CNOT1: variants seen among roughly 807,000 people sequenced by gnomAD.
CNOT1 encodes CCR4-NOT transcription complex subunit 1.
Under a neutral mutation model 273.8 loss-of-function variants are expected in CNOT1, and 15 were observed. The observed-to-expected ratio is 0.05, with a 90% CI of 0.04 to 0.08. The LOEUF (loss-of-function observed/expected upper bound fraction) is 0.08, where lower values mean the gene tolerates loss of function less well. Ranked by LOEUF, CNOT1 falls within the 10% of genes least tolerant of loss-of-function variation. The pLI, the probability that CNOT1 is intolerant of heterozygous loss-of-function variation, is 1.00. For missense variants in CNOT1, 1,644 were observed against 2,912.2 expected (o/e 0.56, Z 10.02); for synonymous variants, 1,022 against 1,005.5 (o/e 1.02, Z -0.31).
chr16:58,626,123 T>C (rs1327040462), intron 1 of CNOT1, among the ~76,000 whole-genome samples: 1 of 152,028 alleles, frequency 6.6e-6, no homozygotes, highest in African/African-American at 2.4e-5. Flanking sequence ...TATACCAAGT[T>C]CAGGCCGGGT....
intron 19 of CNOT1, among the ~76,000 whole-genome samples, chr16:58,556,111 C>T (rs1313021286): frequency 6.6e-6 from 1 of 152,204 alleles, no homozygotes; most frequent in Non-Finnish European, 1.5e-5. Flanking sequence ...TTCCATAATT[C>T]TACATTAGTA....
intron 18 of CNOT1, 46 bp from the exon 19 acceptor site, chr16:58,557,039 C>T (rs758118752): frequency 1.9e-6 from 3 of 1,596,916 alleles, no homozygotes; most frequent in East Asian, 2.2e-5. Flanking sequence ...TATTCATATT[C>T]TTGATTTTAT....
Position 58,549,845 on chromosome 16 carries a change from C to A in CNOT1, c.3396G>T (p.Gln1132His). 6.2e-7 allele frequency: 1 copy of A among 1,614,034 alleles called. No homozygotes were observed. Among genetic ancestry groups the A allele is most frequent in the Non-Finnish European group, 8.5e-7 (1 of 1,179,978 alleles). ...TACTGACTCTCTTCATAACCAGATACTGTGAAACCCAAGGCATAAATTCTT... is the reference window on the plus strand; with the variant it reads ...TACTGACTCTCTTCATAACCAGATAATGTGAAACCCAAGGCATAAATTCTT... ...VKEEFMPWVS[Q>H]YLVMKRVSIE... The change falls in exon 25 of 49, where the codon CAG becomes CAT. Residue 1132 changes from glutamine to histidine, a missense_variant. Gln to His is a conservative substitution (Grantham distance 24, BLOSUM62 0). Transcript: ENST00000317147.
chr16:58,621,890 G>A (rs1251448150), intron 1 of CNOT1, among the ~76,000 whole-genome samples: 4 of 125,914 alleles, frequency 3.2e-5, no homozygotes, highest in South Asian at 2.8e-4. Flanking sequence ...CAGCCTGGGC[G>A]ACGGAAAGAG....
Position 58,587,273 on chromosome 16 carries a change from A to T in CNOT1, c.379-18T>A. 6.2e-7 allele frequency: 1 copy of T among 1,613,852 alleles called. No individual in the cohort carries two copies. Among genetic ancestry groups the T allele is most frequent in the Non-Finnish European group, 8.5e-7 (1 of 1,179,918 alleles). On this transcript the variant is annotated intron_variant, in intron 5 of 48. Transcript: ENST00000317147. Reference sequence around the variant, plus strand: ...AAAATTACCTGAAACAAGAAGGATTAGATTAACCAAAGAGTCAAATGGCTG... The same window carrying T: ...AAAATTACCTGAAACAAGAAGGATTTGATTAACCAAAGAGTCAAATGGCTG...
At chr16:58,600,516 A>G (rs1200861523) in intron 1 of CNOT1, among the ~76,000 whole-genome samples, 3 of 152,178 alleles carry the variant, frequency 2.0e-5, no homozygotes, top group East Asian at 3.9e-4. Flanking sequence ...CTCTCTTTCC[A>G]TGGTATCTGC....
chr16:58,544,531 AG>A (rs2040195988), intron 30 of CNOT1, among the ~76,000 whole-genome samples: 4 of 152,180 alleles, frequency 2.6e-5, no homozygotes. Flanking sequence ...TTCTGGATCT[AG>A]GTGTCCCACT....
At chr16:58,530,513 T>C (rs2039744606) in intron 42 of CNOT1, 166 bp from the exon 43 acceptor site, 3 of 455,368 alleles carry the variant, frequency 6.6e-6, no homozygotes, top group Non-Finnish European at 1.2e-5. Context: ...CCAGGCACGG[T>C]GGCTGACGCC....
chr16:58,551,202 G>A lies in CNOT1; in HGVS notation c.3272C>T (p.Pro1091Leu). ...ATDQTERIVE[P>L]PENIQEKIAF... ...AATTTTCTCCTGGATATTTTCTGGG[G>A]GCTCCACAATTCTCTCAGTTTGATC... The change falls in exon 24 of 49, where the codon CCC becomes CTC. Residue 1091 changes from proline (P) to leucine (L), a missense_variant. By Grantham distance (98) the Pro-to-Leu change is moderately conservative. Transcript: ENST00000317147. 1 of 1,609,758 alleles carries A rather than the reference G, an allele frequency of 6.2e-7. No individual in the cohort carries two copies. The highest frequency in any genetic ancestry group is 2.2e-5 in the East Asian group (1 of 44,684).
At chr16:58,593,848 T>C (rs1423137415) in intron 2 of CNOT1, among the ~76,000 whole-genome samples, 2 of 152,150 alleles carry the variant, frequency 1.3e-5, no homozygotes, top group African/African-American at 2.4e-5. Flanking sequence ...ACACAAAATA[T>C]GAAATATCTA....
chr16:58,587,797 G>T lies in CNOT1; in HGVS notation c.292C>A (p.Pro98Thr). 1 of 1,613,830 alleles carries T rather than the reference G, an allele frequency of 6.2e-7. No individual in the cohort carries two copies. The highest frequency in any genetic ancestry group is 8.5e-7 in the Non-Finnish European group (1 of 1,179,988). Reference sequence around the variant, plus strand: ...ATACCAACCTTCTGATAGTGCAATGGATTATCAATGGCATAGGACAGCGTC... The same window carrying T: ...ATACCAACCTTCTGATAGTGCAATGTATTATCAATGGCATAGGACAGCGTC... ...ISTLSYAIDN[P>T]LHYQKSLKPA... The change falls in exon 4 of 49, where the codon CCA becomes ACA. Residue 98 changes from proline to threonine, a missense_variant. Around this residue, in one of 13 missense-constraint regions of CNOT1, gnomAD observed 706 missense variants for 1,021.2 expected, o/e 0.69. Coordinates refer to ENST00000317147, the MANE Select transcript of CNOT1 (RefSeq NM_016284.5).
chr16:58,560,920 G>T (rs944992669), intron 16 of CNOT1, among the ~76,000 whole-genome samples: 1 of 152,186 alleles, frequency 6.6e-6, no homozygotes, highest in Non-Finnish European at 1.5e-5. Context: ...AGCTACTCGG[G>T]AGGCTGAGGC....
At chr16:58,603,451 G>T (rs1056604637) in intron 1 of CNOT1, among the ~76,000 whole-genome samples, 1 of 129,230 alleles carries the variant, frequency 7.7e-6, no homozygotes, top group Non-Finnish European at 1.6e-5. Flanking sequence ...GTGTGTGTGT[G>T]TGTGTGTGTG....
chr16:58,561,954 C>T (rs2040860432), intron 16 of CNOT1, among the ~76,000 whole-genome samples: 1 of 151,850 alleles, frequency 6.6e-6, no homozygotes, highest in Non-Finnish European at 1.5e-5. Flanking sequence ...GCAGGCAGAT[C>T]ACCTGAAGTC....
rs2041884067 is a variant in CNOT1, at chr16:58,586,610, C to T, written c.572G>A (p.Gly191Glu). The T allele has an allele frequency of 6.2e-7, 1 of 1,612,404 alleles. No individual in the cohort carries two copies. Among genetic ancestry groups the T allele is most frequent in the African/African-American group, 1.3e-5 (1 of 74,584 alleles). Residue 191 changes from glycine (G) to glutamate (E), a missense_variant, in exon 7 of 49, where the codon GGG becomes GAG. Around this residue, in one of 13 missense-constraint regions of CNOT1, gnomAD observed 706 missense variants for 1,021.2 expected, o/e 0.69. Coordinates refer to ENST00000317147, the MANE Select transcript of CNOT1 (RefSeq NM_016284.5). The part of the protein sequence containing the change: ...LHLLLSHLLF[G>E]QKGAFGVGQE... ...TCCAACTCCAAAGGCTCCCTTCTGCCCAAAGAGGAGATGGGAGAGGAGGAG... is the reference window on the plus strand; with the variant it reads ...TCCAACTCCAAAGGCTCCCTTCTGCTCAAAGAGGAGATGGGAGAGGAGGAG...
intron 47 of CNOT1, among the ~76,000 whole-genome samples, chr16:58,522,101 C>T (rs980069179): frequency 2.6e-5 from 4 of 151,484 alleles, no homozygotes; most frequent in African/African-American, 4.8e-5. Flanking sequence ...GGGTGGATCA[C>T]GAGGTCGGGA....
At chr16:58,591,002 G>A (rs1331361954) in intron 2 of CNOT1, among the ~76,000 whole-genome samples, 1 of 152,026 alleles carries the variant, frequency 6.6e-6, no homozygotes, top group East Asian at 1.9e-4. Context: ...TTAACAAAAA[G>A]AAAGTAAAAC....
intron 39 of CNOT1, among the ~76,000 whole-genome samples, chr16:58,535,772 C>T (rs1042739575): frequency 8.6e-5 from 13 of 151,414 alleles, no homozygotes; most frequent in South Asian, 2.1e-4. Context: ...CTCGCTCTGT[C>T]GCCCAGGCTG....
chr16:58,546,202 T>C (rs940111129), intron 29 of CNOT1, 119 bp downstream of exon 29: 2 of 871,388 alleles, frequency 2.3e-6, no homozygotes, highest in Admixed American at 2.5e-5. Context: ...CCAAAACGTA[T>C]ACAAAGTTTC....
Sources: allele counts gnomAD v4.1 joint callset (sites outside exome capture counted in the v4.1 genomes callset), GRCh38; gene constraint gnomAD v4.1.1; regional missense constraint gnomAD v4.1.1; transcripts MANE v1.5; gene names NCBI Gene and HGNC (gene_info 2026-07-23, HGNC 2026-07-21).